The following CBL variants were observed in gnomAD, a reference collection of about 807,000 sequenced individuals.
CBL encodes E3 ubiquitin-protein ligase CBL.
In CBL, 45 loss-of-function variants were observed where a neutral mutation model predicts 96.9. The observed-to-expected ratio is 0.46, with a 90% CI of 0.37 to 0.60. The LOEUF (loss-of-function observed/expected upper bound fraction) is 0.60. Among genes scored for constraint, CBL ranks in the 20% least tolerant of loss-of-function variants. The probability of loss-of-function intolerance (pLI) is 0.00; values close to 1 mark genes in which losing one functional copy is unlikely to be tolerated. For synonymous variants in CBL, 420 were observed against 426.8 expected, an observed-to-expected ratio of 0.98 and a Z score of 0.20; for missense variants, 1,024 against 1,143.5, an observed-to-expected ratio of 0.90 and a Z score of 1.51.
rs1285510326 is a variant in CBL, at chr11:119,298,505, T to G, written c.2399T>G (p.Phe800Cys). ...GATATCTCTAATGCCAGCTCCTCCT[T>G]TGGCTGGTTGTCTCTGGATGGTGAT... is the stretch of plus-strand genomic sequence containing the variant. ...LSDISNASSS[F>C]GWLSLDGDPT... Residue 800 changes from phenylalanine to cysteine, a missense_variant, in exon 15 of 16, where the codon TTT (phenylalanine) becomes TGT (cysteine). Phe to Cys is a radical substitution (Grantham distance 205, BLOSUM62 -2). Coordinates refer to ENST00000264033, the MANE Select transcript of CBL (RefSeq NM_005188.4). 9.3e-6 allele frequency: 15 copies of G among 1,614,214 alleles called. No homozygotes were observed. Among genetic ancestry groups the G allele is most frequent in the Non-Finnish European group, 1.3e-5 (15 of 1,180,034 alleles).
At chr11:119,207,057 G>A (rs1164671447) in intron 1 of CBL, among the ~76,000 whole-genome samples, 1 of 152,130 alleles carries the variant, frequency 6.6e-6, no homozygotes, top group Non-Finnish European at 1.5e-5. Context: ...ATCTGACTAG[G>A]GAATTAGGTT....
chr11:119,255,438 G>GT (rs376044118), intron 2 of CBL, among the ~76,000 whole-genome samples: 2 of 152,152 alleles, frequency 1.3e-5, no homozygotes, highest in South Asian at 2.1e-4. Context: ...ATGATTATAT[G>GT]TTTTTTCCCT....
intron 2 of CBL, among the ~76,000 whole-genome samples, chr11:119,258,675 A>T (rs987080195): frequency 6.6e-6 from 1 of 152,192 alleles, no homozygotes; most frequent in Non-Finnish European, 1.5e-5. Context: ...TTTGGTTACT[A>T]TAGCCTTAAT....
Position 119,298,418 on chromosome 11 carries a change from A to G in CBL, c.2312A>G (p.Asp771Gly). The G allele has an allele frequency of 6.2e-7, 1 of 1,614,178 alleles. No individual in the cohort carries two copies. The highest frequency in any genetic ancestry group is 8.5e-7 in the Non-Finnish European group (1 of 1,180,012). ...NTGPEESENE[D>G]DGYDVPKPPV... Reference sequence around the variant, plus strand: ...GGTCCCGAGGAGTCAGAAAATGAGGATGATGGGTATGATGTCCCAAAGCCA... The same window carrying G: ...GGTCCCGAGGAGTCAGAAAATGAGGGTGATGGGTATGATGTCCCAAAGCCA... Residue 771 changes from aspartate to glycine, a missense_variant, in exon 15 of 16, where the codon GAT (aspartate) becomes GGT (glycine). Coordinates refer to ENST00000264033, the MANE Select transcript of CBL (RefSeq NM_005188.4).
intron 1 of CBL, among the ~76,000 whole-genome samples, chr11:119,219,010 G>T (rs1949385904): frequency 6.6e-6 from 1 of 152,082 alleles, no homozygotes; most frequent in Admixed American, 6.6e-5. Flanking sequence ...TTGTGTCCAG[G>T]AGTTCGAGAC....
At chr11:119,298,000 T>C (rs1950075397) in intron 14 of CBL, among the ~76,000 whole-genome samples, 1 of 152,164 alleles carries the variant, frequency 6.6e-6, no homozygotes. Flanking sequence ...GCCTACCAGA[T>C]TGAAAGTTCA....
In CBL at chr11:119,232,468, C is replaced by T; in HGVS notation, c.216C>T (p.Asn72=). Residue 72 remains asparagine (N), a synonymous_variant, in exon 2 of 16, where the codon AAC becomes AAT. Coordinates refer to ENST00000264033, the MANE Select transcript of CBL (RefSeq NM_005188.4). ...TGCAGGTGGTGCGGTTGTGTCAGAA[C>T]CCAAAGCTGGCGCTAAAGAATAGCC... ...LMDKVVRLCQ[N]PKLALKNSPP... is the part of the protein sequence containing the mutation. The T allele has an allele frequency of 6.2e-7, 1 of 1,613,908 alleles. No individual in the cohort carries two copies. The highest frequency in any genetic ancestry group is 8.5e-7 in the Non-Finnish European group (1 of 1,179,998).
chr11:119,285,285 G>T lies in CBL; in HGVS notation c.1660G>T (p.Val554Phe). 6.2e-7 allele frequency: 1 copy of T among 1,614,106 alleles called. No individual in the cohort carries two copies. The highest frequency in any genetic ancestry group is 8.5e-7 in the Non-Finnish European group (1 of 1,180,020). ...ACCGCCTCCAGACCGGCCATATTCT[G>T]TTGGAGCAGAATCCCGACCTCAAAG... ...PPPPPDRPYS[V>F]GAESRPQRRP... Residue 554 changes from valine (V) to phenylalanine (F), a missense_variant, in exon 11 of 16, where the codon GTT (valine) becomes TTT (phenylalanine). Val to Phe is a conservative substitution (Grantham distance 50). Transcript: ENST00000264033.
intron 2 of CBL, among the ~76,000 whole-genome samples, chr11:119,260,844 A>G (rs1160120981): frequency 6.6e-6 from 1 of 151,822 alleles, no homozygotes; most frequent in Non-Finnish European, 1.5e-5. Context: ...TTTCGGTCTT[A>G]AAATGATCAG....
chr11:119,269,038 C>T (rs892250632), intron 2 of CBL, among the ~76,000 whole-genome samples: 1 of 152,156 alleles, frequency 6.6e-6, no homozygotes, highest in Non-Finnish European at 1.5e-5. Context: ...TAGGGTCCTG[C>T]GGAACACTGG....
At position 119,206,388 on chromosome 11, in the gene CBL, A is replaced by T; in HGVS notation, c.-30A>T. 1 of 1,476,008 alleles carries T rather than the reference A, an allele frequency of 6.8e-7. No homozygotes were observed. Among genetic ancestry groups the T allele is most frequent in the East Asian group, 2.7e-5 (1 of 37,456 alleles). The allele number at this position is 1,476,008 out of a possible 1,614,324, so 91.4% of individuals were successfully genotyped here. A position where few individuals can be genotyped will look rare whatever the true frequency, so the allele number is the denominator to read the frequency against. On this transcript the variant is annotated 5_prime_UTR_variant, in exon 1 of 16. Coordinates refer to ENST00000264033, the MANE Select transcript of CBL (RefSeq NM_005188.4). ...GCTCGCAGTCGAGCCGAGCCGGCGG[A>T]CCCGCCTGGGCTCCGACCCTGCCCA...
intron 2 of CBL, among the ~76,000 whole-genome samples, chr11:119,267,795 GC>G (rs1270283011): frequency 3.3e-5 from 5 of 152,332 alleles, no homozygotes; most frequent in Non-Finnish European, 2.9e-5. Flanking sequence ...CGTTCGCTTG[GC>G]CCAGAGGGAT....
Position 119,234,990 on chromosome 11 carries a change from A to C in CBL, c.443+2295A>C, listed in dbSNP as rs190962274. Among the ~76,000 whole-genome samples the C allele has an allele frequency of 8.3e-4, 127 of 152,348 alleles. 1 individual carries two copies. The highest frequency in any genetic ancestry group is 9.4e-4 in the Non-Finnish European group (64 of 68,026). ...TGGTTTGGTTAGAATTGTGGGAGACAGATACGCTGGAAAGACGGGTTGAAG... is the reference window on the plus strand; with the variant it reads ...TGGTTTGGTTAGAATTGTGGGAGACCGATACGCTGGAAAGACGGGTTGAAG... On this transcript the variant is annotated intron_variant, in intron 2 of 15. Coordinates refer to ENST00000264033, the MANE Select transcript of CBL (RefSeq NM_005188.4).
At chr11:119,269,530 C>T (rs977017951) in intron 2 of CBL, among the ~76,000 whole-genome samples, 12 of 151,706 alleles carry the variant, frequency 7.9e-5, no homozygotes, top group African/African-American at 1.7e-4. Flanking sequence ...TAGCATTTTT[C>T]GAACAAGTCA....
intron 2 of CBL, among the ~76,000 whole-genome samples, chr11:119,269,959 T>C (rs1445270676): frequency 6.6e-6 from 1 of 152,108 alleles, no homozygotes; most frequent in Admixed American, 6.5e-5. Flanking sequence ...ATCGCGCCAC[T>C]GCACTCCAGC....
chr11:119,283,670 C>CTTTTTTTTTTTTTTTTTTTTT, intron 9 of CBL, among the ~76,000 whole-genome samples: 1 of 58,444 alleles, frequency 1.7e-5, no homozygotes, highest in South Asian at 8.6e-4. Flanking sequence ...TGGAGTCTTG[C>CTTTTTTTTTTTTTTTTTTTTT]TCTTTTGCCC....
Position 119,206,500 on chromosome 11 carries a change from T to C in CBL, c.83T>C (p.Leu28Pro). 6.4e-7 allele frequency: 1 copy of C among 1,568,416 alleles called. No individual in the cohort carries two copies. The highest frequency in any genetic ancestry group is 8.6e-7 in the Non-Finnish European group (1 of 1,158,814). ...TCGGGTTCGGGTGGCCTGATTGGGC[T>C]CATGAAGGACGCCTTCCAGCCGCAC... is the stretch of plus-strand genomic sequence containing the variant. ...GGSGSGGLIG[L>P]MKDAFQPHHH... Residue 28 changes from leucine (L) to proline (P), a missense_variant, in exon 1 of 16, where the codon CTC (leucine) becomes CCC (proline). Around this residue, in one of 4 missense-constraint regions of CBL, gnomAD observed 114 missense variants for 117.4 expected, o/e 0.97. Transcript: ENST00000264033.
chr11:119,301,913 A>G lies in CBL; in HGVS notation c.*2132A>G, dbSNP rs1950105157. The G allele has an allele frequency of 4.3e-6, 1 of 233,170 alleles. No homozygotes were observed. 14.4% of individuals were successfully genotyped at this position (233,170 alleles called of 1,614,324 possible). A position where few individuals can be genotyped will look rare whatever the true frequency, so the allele number is the denominator to read the frequency against. ...GACAAAGAACTAGAAAAAAAAAAGC[A>G]GTTTCCAGGCCCATCCATATTGTAA... On this transcript the variant is annotated 3_prime_UTR_variant, in exon 16 of 16. Coordinates refer to ENST00000264033, the MANE Select transcript of CBL (RefSeq NM_005188.4).
chr11:119,206,354 C>T lies in CBL; in HGVS notation c.-64C>T, dbSNP rs1007534831. 3 of 1,315,886 alleles carry T rather than the reference C, an allele frequency of 2.3e-6. No individual in the cohort carries two copies. The highest frequency in any genetic ancestry group is 3.0e-6 in the Non-Finnish European group (3 of 997,878). The allele number at this position is 1,315,886 out of a possible 1,614,324, so 81.5% of individuals were successfully genotyped here. ...GAGGCCCCTCCTTCACGCCCTGCTTCTCTCCCTCGCTCGCAGTCGAGCCGA... is the reference window on the plus strand; with the variant it reads ...GAGGCCCCTCCTTCACGCCCTGCTTTTCTCCCTCGCTCGCAGTCGAGCCGA... On this transcript the variant is annotated 5_prime_UTR_variant, in exon 1 of 16. Transcript: ENST00000264033.
Sources: allele counts gnomAD v4.1 joint callset (sites outside exome capture counted in the v4.1 genomes callset), GRCh38; gene constraint gnomAD v4.1.1; regional missense constraint gnomAD v4.1.1; transcripts MANE v1.5; gene names NCBI Gene and HGNC (gene_info 2026-07-23, HGNC 2026-07-21).